The following NPY variants were observed in gnomAD, a reference collection of about 807,000 sequenced individuals.
NPY encodes neuropeptide Y.
In NPY, 11 loss-of-function variants were observed where a neutral mutation model predicts 13.2. The ratio of observed to expected loss-of-function variants is 0.83; its 90% confidence interval spans 0.52 to 1.38. The LOEUF (loss-of-function observed/expected upper bound fraction) is 1.38. Among genes scored for constraint, NPY ranks in the 40% most tolerant of loss-of-function variants. NPY has a pLI of 0.00. For missense variants in NPY, 109 were observed against 125.1 expected (o/e 0.87, Z 0.61); for synonymous variants, 51 against 55.6 (o/e 0.92, Z 0.37).
rs1212340582 is a variant in NPY, at chr7:24,285,017, G to A, written c.1-224G>A. The A allele has an allele frequency of 8.5e-6, 5 of 584,874 alleles. No homozygotes were observed. Among genetic ancestry groups the A allele is most frequent in the Admixed American group, 6.1e-5 (2 of 32,730 alleles). 36.2% of individuals were successfully genotyped at this position (584,874 alleles called of 1,614,324 possible). A position where few individuals can be genotyped will look rare whatever the true frequency, so the allele number is the denominator to read the frequency against. ...CCTGAGACTTCGAACGAAGTTGCGC[G>A]AAGTTTTCAGGTGGAGCAGAGGGGC... is the stretch of plus-strand genomic sequence containing the variant. On this transcript the variant is annotated intron_variant, in intron 1 of 3. Transcript: ENST00000242152. This position sits in a 1 kb window ranked among gnomAD's most constrained non-coding sequence, Gnocchi z 4.9.
chr7:24,291,307 G>A (rs1262383349), intron 3 of NPY, among the ~76,000 whole-genome samples: 3 of 152,196 alleles, frequency 2.0e-5, no homozygotes, highest in South Asian at 2.1e-4. Flanking sequence ...CATATTTAGA[G>A]TTGAGGAACA....
Position 24,289,566 on chromosome 7 carries a change from G to A in NPY, c.256G>A (p.Val86Ile), listed in dbSNP as rs1372226665. The A allele has an allele frequency of 1.2e-6, 2 of 1,609,834 alleles. No homozygotes were observed. The highest frequency in any genetic ancestry group is 1.7e-6 in the Non-Finnish European group (2 of 1,177,898). Residue 86 changes from valine (V) to isoleucine (I), a missense_variant, in exon 3 of 4, where the codon GTT becomes ATT. By Grantham distance (29) the Val-to-Ile change is conservative (BLOSUM62 3). Coordinates refer to ENST00000242152, the MANE Select transcript of NPY (RefSeq NM_000905.4). The part of the protein sequence containing the change: ...DLLMRESTEN[V>I]PRTRLEDPAM... ...CTTGATGAGAGAAAGCACAGAAAATGTTCCCAGAACTCGGTATGACAAGGC... is the reference window on the plus strand; with the variant it reads ...CTTGATGAGAGAAAGCACAGAAAATATTCCCAGAACTCGGTATGACAAGGC...
In NPY at chr7:24,285,979, G is replaced by GT. The variant is rs201369247; in HGVS notation, c.188+559dup. 4.8e-3 allele frequency among the ~76,000 whole-genome samples: 736 copies of GT among 151,962 alleles called. 4 individuals carry two copies. The highest frequency in any genetic ancestry group is 0.017 in the African/African-American group (684 of 41,434). ...GCTATTTTCTTTTCTTCTTCACTGT[G>GT]TTTTTTTTGCAGTCTCACTCCCATA... On this transcript the variant is annotated intron_variant, in intron 2 of 3. Coordinates refer to ENST00000242152, the MANE Select transcript of NPY (RefSeq NM_000905.4). The surrounding 1 kb of genome is among the most constrained non-coding windows in gnomAD (Gnocchi z 4.9).
At chr7:24,288,257 C>T (rs1054151356) in intron 2 of NPY, among the ~76,000 whole-genome samples, 1 of 152,138 alleles carries the variant, frequency 6.6e-6, no homozygotes, top group African/African-American at 2.4e-5. Flanking sequence ...TAAGTATAAG[C>T]AGACACCTAT....
intron 2 of NPY, among the ~76,000 whole-genome samples, chr7:24,286,167 T>A (rs1350217576): frequency 6.6e-6 from 1 of 152,220 alleles, no homozygotes; most frequent in African/African-American, 2.4e-5. Context: ...TTAGGATGAA[T>A]TCAGGGATTA....
intron 3 of NPY, 105 bp from the exon 4 acceptor site, chr7:24,291,558 C>T (rs555288225): frequency 1.4e-5 from 19 of 1,353,266 alleles, no homozygotes; most frequent in Admixed American, 1.2e-4. Flanking sequence ...AACTTTTCAA[C>T]AGTTCCCGGT....
At chr7:24,290,859 C>T (rs763987317) in intron 3 of NPY, among the ~76,000 whole-genome samples, 2 of 151,116 alleles carry the variant, frequency 1.3e-5, no homozygotes, top group African/African-American at 2.4e-5. Flanking sequence ...ACTGCAGCCT[C>T]GAGCTCCCAG....
At chr7:24,288,828 G>T (rs945801437) in intron 2 of NPY, among the ~76,000 whole-genome samples, 1 of 152,162 alleles carries the variant, frequency 6.6e-6, no homozygotes, top group Non-Finnish European at 1.5e-5. Context: ...AAGACCCAGG[G>T]TCTGTTGGTA....
rs769862248 is a variant in NPY, at chr7:24,291,821, T to C, written c.*134T>C. ...TCTGCAATGTTTTCCTTTGTCATCA[T>C]TGTATATATGTGTGTTTAAATAAAG... On this transcript the variant is annotated 3_prime_UTR_variant, in exon 4 of 4. Coordinates refer to ENST00000242152, the MANE Select transcript of NPY (RefSeq NM_000905.4). 4.3e-6 allele frequency: 4 copies of C among 934,002 alleles called. No individual in the cohort carries two copies. Among genetic ancestry groups the C allele is most frequent in the Non-Finnish European group, 6.8e-6 (4 of 588,154 alleles). The allele number at this position is 934,002 out of a possible 1,614,324, so 57.9% of individuals were successfully genotyped here.
intron 3 of NPY, 69 bp downstream of exon 3, chr7:24,289,648 C>G: frequency 7.9e-7 from 1 of 1,273,286 alleles, no homozygotes; most frequent in Non-Finnish European, 1.1e-6. Flanking sequence ...AAGTCAGAGA[C>G]AGGTGCCTGG....
chr7:24,289,892 T>C lies in NPY; in HGVS notation c.269+313T>C, dbSNP rs375394290. Among the ~76,000 whole-genome samples the C allele has an allele frequency of 2.8e-4, 42 of 152,248 alleles. 5 individuals are homozygous for C. The highest frequency in any genetic ancestry group is 2.3e-3 in the Admixed American group (35 of 15,292). ...TAACATTGTTGGAGTCAGGGGAGCA[T>C]AGAGTGAGTCCCTGACTCTAAATTG... is the stretch of plus-strand genomic sequence containing the variant. On this transcript the variant is annotated intron_variant, in intron 3 of 3. Transcript: ENST00000242152.
At position 24,285,473 on chromosome 7, in the gene NPY, A is replaced by G. The variant is rs760257481; in HGVS notation, c.188+45A>G. 6.4e-7 allele frequency: 1 copy of G among 1,570,088 alleles called. No homozygotes were observed. The highest frequency in any genetic ancestry group is 8.7e-7 in the Non-Finnish European group (1 of 1,146,668). On this transcript the variant is annotated intron_variant, in intron 2 of 3. Coordinates refer to ENST00000242152, the MANE Select transcript of NPY (RefSeq NM_000905.4). This position sits in a 1 kb window ranked among gnomAD's most constrained non-coding sequence, Gnocchi z 4.9. ...CGATTCCGGGAGCGCCAGTGCCTGC[A>G]CACCAGGAGATCCTGGGGATGTTAG...
chr7:24,284,983 T>C, intron 1 of NPY: 1 of 561,554 alleles, frequency 1.8e-6, no homozygotes, highest in Non-Finnish European at 3.2e-6. Context: ...CGCCGCGCGC[T>C]TCTTGGTCCC....
intron 2 of NPY, among the ~76,000 whole-genome samples, chr7:24,287,991 A>C (rs1343203685): frequency 6.6e-6 from 1 of 152,212 alleles, no homozygotes; most frequent in Non-Finnish European, 1.5e-5. Flanking sequence ...CTAAGGACTC[A>C]ATCTTTGAAA....
In NPY at chr7:24,285,188, G is replaced by A. The variant is rs1235888636; in HGVS notation, c.1-53G>A. On this transcript the variant is annotated intron_variant, in intron 1 of 3. Coordinates refer to ENST00000242152, the MANE Select transcript of NPY (RefSeq NM_000905.4). The surrounding 1 kb of genome is among the most constrained non-coding windows in gnomAD (Gnocchi z 4.9). ...GGGGGGCAGAGGAGGGAGGTGCTGC[G>A]CGTGGGTGCTCTGAATCCCCAAGCC... is the stretch of plus-strand genomic sequence containing the variant. The A allele has an allele frequency of 1.6e-5, 25 of 1,586,140 alleles. No homozygotes were observed. The African/African-American group carries it at 2.4e-4, about 15-fold the overall frequency.
intron 1 of NPY, among the ~76,000 whole-genome samples, chr7:24,284,695 G>A (rs2128231599): frequency 6.6e-6 from 1 of 152,268 alleles, no homozygotes; most frequent in Middle Eastern, 3.4e-3. Context: ...AGAGCCCCGC[G>A]CCCTGCCACC....
In NPY at chr7:24,285,508, T is replaced by C. The variant is rs1266991534; in HGVS notation, c.188+80T>C. On this transcript the variant is annotated intron_variant, in intron 2 of 3. Coordinates refer to ENST00000242152, the MANE Select transcript of NPY (RefSeq NM_000905.4). This position sits in a 1 kb window ranked among gnomAD's most constrained non-coding sequence, Gnocchi z 4.9. ...ATCCTGGGGATGTTAGGGAAAGGGA[T>C]TGTTTCTTTTCCTTCGCTCTATCCC... 4.3e-6 allele frequency: 6 copies of C among 1,409,106 alleles called. No homozygotes were observed. In the South Asian group the frequency reaches 5.3e-5, roughly 12 times the overall value. The allele number at this position is 1,409,106 out of a possible 1,614,324, so 87.3% of individuals were successfully genotyped here.
At chr7:24,289,634 A>T in intron 3 of NPY, 55 bp downstream of exon 3, 1 of 1,434,266 alleles carries the variant, frequency 7.0e-7, no homozygotes, top group African/African-American at 1.4e-5. Context: ...TGCCCAGGGG[A>T]GGGAAGTCAG....
intron 2 of NPY, 70 bp from the exon 3 acceptor site, chr7:24,289,429 C>A: frequency 9.5e-7 from 1 of 1,049,828 alleles, no homozygotes; most frequent in Non-Finnish European, 1.4e-6. Context: ...AAATAGGAGA[C>A]TATCTTCCTT....
Sources: gnomAD v4.1 joint callset for allele counts (sites outside exome capture counted in the v4.1 genomes callset) on GRCh38, gnomAD v4.1.1 for gene constraint, Gnocchi (gnomAD v3.1) non-coding constraint, MANE v1.5 for transcripts, NCBI Gene and HGNC (gene_info 2026-07-23, HGNC 2026-07-21) for gene names.